DNMT1: variants seen among roughly 807,000 people sequenced by gnomAD.
DNMT1 encodes DNA methyltransferase 1.
Under a neutral mutation model 205.3 loss-of-function variants are expected in DNMT1, and 24 were observed. That is an observed-to-expected ratio of 0.12 (90% CI 0.08 to 0.16). The LOEUF (loss-of-function observed/expected upper bound fraction) is 0.16, where lower values mean the gene tolerates loss of function less well. DNMT1 is among the 10% of genes least tolerant of loss of function. DNMT1 has a pLI of 1.00. For synonymous variants in DNMT1, 817 were observed against 839.8 expected (o/e 0.97, Z 0.47); for missense variants, 1,293 against 2,177.7 (o/e 0.59, Z 8.09).
chr19:10,134,159 A>C (rs1329249252), intron 40 of DNMT1, 58 bp downstream of exon 40: 1 of 1,588,918 alleles, frequency 6.3e-7, no homozygotes, highest in Non-Finnish European at 8.6e-7. Context: ...AACTGCCCCC[A>C]CATGTACCCC....
intron 9 of DNMT1, among the ~76,000 whole-genome samples, chr19:10,169,895 C>T (rs929493973): frequency 6.6e-5 from 10 of 152,150 alleles, no homozygotes; most frequent in African/African-American, 1.7e-4. Context: ...TGAACTAGCC[C>T]GTTAGGACTG....
chr19:10,173,282 A>C, intron 8 of DNMT1, 108 bp from the exon 9 acceptor site: 72 of 1,083,764 alleles, frequency 6.6e-5, no homozygotes, highest in East Asian at 1.7e-4. Flanking sequence ...TCATTATCTC[A>C]GGAGCCCTGA....
In DNMT1 at chr19:10,137,627, C is replaced by G; in HGVS notation, c.4293+205G>C. 1.3e-6 allele frequency: 1 copy of G among 761,596 alleles called. No homozygotes were observed. The highest frequency in any genetic ancestry group is 2.7e-5 in the East Asian group (1 of 37,364). 47.2% of individuals were successfully genotyped at this position (761,596 alleles called of 1,614,324 possible). ...GGGTGGGCAGTGGCTTGACACCATT[C>G]CAGACCAAGTCCAGGACTGCGGGAG... On this transcript the variant is annotated intron_variant, in intron 36 of 40. Coordinates refer to ENST00000359526, the MANE Select transcript of DNMT1 (RefSeq NM_001130823.3). This position sits in a 1 kb window ranked among gnomAD's most constrained non-coding sequence, Gnocchi z 6.4.
In DNMT1 at chr19:10,137,644, C is replaced by A; in HGVS notation, c.4293+188G>T. The A allele has an allele frequency of 1.2e-6, 1 of 834,252 alleles. No individual in the cohort carries two copies. 51.7% of individuals were successfully genotyped at this position (834,252 alleles called of 1,614,324 possible). On this transcript the variant is annotated intron_variant, in intron 36 of 40. Transcript: ENST00000359526. The surrounding 1 kb of genome is among the most constrained non-coding windows in gnomAD (Gnocchi z 6.4). ...ACACCATTCCAGACCAAGTCCAGGA[C>A]TGCGGGAGCTCTGACACTTCCCATG...
At chr19:10,136,095 C>G in intron 38 of DNMT1, 26 bp downstream of exon 38, 1 of 1,613,682 alleles carries the variant, frequency 6.2e-7, no homozygotes, top group Non-Finnish European at 8.5e-7. Context: ...CTGACCCAGG[C>G]CCTCGGATGC....
rs1252205836 is a variant in DNMT1, at chr19:10,137,318, G to A, written c.4294-38C>T. ...GGGGGGCCCAGCTGTCACCTCATGTGAGCAGCATCCGAGCATCCATGGTGG... is the reference window on the plus strand; with the variant it reads ...GGGGGGCCCAGCTGTCACCTCATGTAAGCAGCATCCGAGCATCCATGGTGG... On this transcript the variant is annotated intron_variant, in intron 36 of 40. Coordinates refer to ENST00000359526, the MANE Select transcript of DNMT1 (RefSeq NM_001130823.3). The surrounding 1 kb of genome is among the most constrained non-coding windows in gnomAD (Gnocchi z 6.4). The A allele has an allele frequency of 1.9e-6, 3 of 1,573,904 alleles. No individual in the cohort carries two copies. The highest frequency in any genetic ancestry group is 2.6e-6 in the Non-Finnish European group (3 of 1,161,726).
intron 1 of DNMT1, among the ~76,000 whole-genome samples, chr19:10,182,747 G>A (rs927558790): frequency 1.3e-5 from 2 of 149,040 alleles, no homozygotes; most frequent in Non-Finnish European, 3.0e-5. Context: ...TCAGCTCACT[G>A]CAACCCTCAC....
At chr19:10,158,710 G>C (rs1471983644) in intron 17 of DNMT1, among the ~76,000 whole-genome samples, 3 of 152,146 alleles carry the variant, frequency 2.0e-5, no homozygotes, top group Non-Finnish European at 4.4e-5. Context: ...CAGAGGACAG[G>C]AGAGTCAGTG....
At chr19:10,164,865 T>G (rs144219591) in intron 11 of DNMT1, among the ~76,000 whole-genome samples, 1,635 of 118,072 alleles carry the variant, frequency 0.014, 32 homozygotes, top group African/African-American at 0.051. Flanking sequence ...GAGGTGGAGG[T>G]TGCAGTGACT....
chr19:10,174,545 A>G (rs2038892915), intron 7 of DNMT1, among the ~76,000 whole-genome samples: 1 of 151,870 alleles, frequency 6.6e-6, no homozygotes, highest in South Asian at 2.1e-4. Flanking sequence ...ATCTCTACTA[A>G]AAATATAAAA....
At chr19:10,185,356 T>C (rs1276931567) in intron 1 of DNMT1, among the ~76,000 whole-genome samples, 1 of 143,570 alleles carries the variant, frequency 7.0e-6, no homozygotes, top group African/African-American at 2.6e-5. Flanking sequence ...ACCCGGGAGG[T>C]GAAGCTTGCA....
At chr19:10,152,012 T>C (rs912804171) in intron 22 of DNMT1, among the ~76,000 whole-genome samples, 165 bp from the exon 23 acceptor site, 3 of 151,056 alleles carry the variant, frequency 2.0e-5, no homozygotes, top group African/African-American at 7.3e-5. Flanking sequence ...ATACAAAGAT[T>C]AGCCAGGCAT....
chr19:10,145,735 C>T (rs2038184147), intron 28 of DNMT1, among the ~76,000 whole-genome samples: 1 of 152,254 alleles, frequency 6.6e-6, no homozygotes, highest in African/African-American at 2.4e-5. Context: ...TCCCACTTCA[C>T]AGTAGGGGAC....
chr19:10,174,500 G>A (rs1468233307), intron 7 of DNMT1, among the ~76,000 whole-genome samples: 1 of 151,952 alleles, frequency 6.6e-6, no homozygotes, highest in African/African-American at 2.4e-5. Context: ...GAGGTCAGGA[G>A]TTCAAGACCA....
chr19:10,164,793 T>C (rs2038649361), intron 11 of DNMT1, among the ~76,000 whole-genome samples: 1 of 150,600 alleles, frequency 6.6e-6, no homozygotes, highest in Admixed American at 6.6e-5. Flanking sequence ...CTAGGCATAG[T>C]AGCACACGCC....
At position 10,166,613 on chromosome 19, in the gene DNMT1, T is replaced by G. The variant is rs1018990466; in HGVS notation, c.876A>C (p.Glu292Asp). Residue 292 changes from glutamate (E) to aspartate (D), a missense_variant, in exon 11 of 41, where the codon GAA becomes GAC. Transcript: ENST00000359526. ...ARAGVQADED[E>D]DGDEKDEKKH... is the part of the protein sequence containing the mutation. Reference sequence around the variant, plus strand: ...CCGCCTTTACTTTCTCGTCTCCATCTTCGTCCTCGTCAGCCTGCACGCCTG... The same window carrying G: ...CCGCCTTTACTTTCTCGTCTCCATCGTCGTCCTCGTCAGCCTGCACGCCTG... The G allele has an allele frequency of 2.5e-6, 4 of 1,614,074 alleles. No homozygotes were observed. The African/African-American group carries it at 5.3e-5, about 22-fold the overall frequency.
At position 10,173,830 on chromosome 19, in the gene DNMT1, A is replaced by G. The variant is rs765490265; in HGVS notation, c.683+41T>C. The stretch of plus-strand genomic sequence containing the variant: ...AAAAGTTTTGTGATCAAGATTACAC[A>G]ACTCGTAGAACAAAAAGAAAGGTAT... On this transcript the variant is annotated intron_variant, in intron 8 of 40. Coordinates refer to ENST00000359526, the MANE Select transcript of DNMT1 (RefSeq NM_001130823.3). 6.4e-5 allele frequency: 103 copies of G among 1,610,238 alleles called. No individual in the cohort carries two copies. The Admixed American group carries it at 1.7e-3, about 27-fold the overall frequency.
chr19:10,146,072 C>A lies in DNMT1; in HGVS notation c.2894+279G>T, dbSNP rs2038193353. Among the ~76,000 whole-genome samples, 2 of 152,108 alleles carry A rather than the reference C, an allele frequency of 1.3e-5. No individual in the cohort carries two copies. Among genetic ancestry groups the A allele is most frequent in the African/African-American group, 2.4e-5 (1 of 41,410 alleles). The stretch of plus-strand genomic sequence containing the variant: ...TCAGACTCCTGACCTCAGATGATTC[C>A]CCACTGCCTCGGCCTCCCAAAGCGC... On this transcript the variant is annotated intron_variant, in intron 28 of 40. Coordinates refer to ENST00000359526, the MANE Select transcript of DNMT1 (RefSeq NM_001130823.3). The surrounding 1 kb of genome is among the most constrained non-coding windows in gnomAD (Gnocchi z 4.4).
Position 10,173,884 on chromosome 19 carries a change from T to C in DNMT1, c.670A>G (p.Thr224Ala). The stretch of plus-strand genomic sequence containing the variant: ...AACTATTCTTACCGTTCTCTGGATG[T>C]AACTCTACGTCTCTTCTCATCCTGT... ...KDQDEKRRRV[T>A]SRERVARPLP... Residue 224 changes from threonine (T) to alanine (A), a missense_variant, in exon 8 of 41, where the codon ACA (threonine) becomes GCA (alanine). Physicochemically the swap from Thr to Ala is moderately conservative, Grantham distance 58. Around this residue, in one of 13 missense-constraint regions of DNMT1, gnomAD observed 394 missense variants for 451.6 expected, o/e 0.87. Transcript: ENST00000359526. 6.2e-7 allele frequency: 1 copy of C among 1,613,960 alleles called. No individual in the cohort carries two copies. The highest frequency in any genetic ancestry group is 8.5e-7 in the Non-Finnish European group (1 of 1,179,852).
Sources: allele counts gnomAD v4.1 joint callset (sites outside exome capture counted in the v4.1 genomes callset), GRCh38; gene constraint gnomAD v4.1.1; regional missense constraint gnomAD v4.1.1; non-coding constraint Gnocchi (gnomAD v3.1); transcripts MANE v1.5; gene names NCBI Gene and HGNC (gene_info 2026-07-23, HGNC 2026-07-21).